Variants in GXYLT2 observed in about 807,000 individuals in gnomAD.
GXYLT2 encodes glycosyltransferase 8 domain containing 4.
Under a neutral mutation model 45.8 loss-of-function variants are expected in GXYLT2, and 53 were observed. The observed-to-expected ratio is 1.16, with a 90% CI of 0.93 to 1.46. The LOEUF (loss-of-function observed/expected upper bound fraction) is 1.46. Among genes scored for constraint, GXYLT2 ranks in the 40% most tolerant of loss-of-function variants. The probability of loss-of-function intolerance (pLI) is 0.00; values close to 1 mark genes in which losing one functional copy is unlikely to be tolerated. For missense variants in GXYLT2, 551 were observed against 544.4 expected, an observed-to-expected ratio of 1.01 and a Z score of -0.12; for synonymous variants, 219 against 214.2, an observed-to-expected ratio of 1.02 and a Z score of -0.19.
chr3:72,913,182 C>T (rs1306436076), intron 2 of GXYLT2, among the ~76,000 whole-genome samples: 7 of 151,120 alleles, frequency 4.6e-5, no homozygotes, highest in East Asian at 2.0e-4. Flanking sequence ...GGACTACAGG[C>T]GCCCGCCACC....
intron 1 of GXYLT2, among the ~76,000 whole-genome samples, chr3:72,899,257 C>A (rs2107065170): frequency 6.6e-6 from 1 of 152,288 alleles, no homozygotes; most frequent in Non-Finnish European, 1.5e-5. Flanking sequence ...ATGCGTTAGA[C>A]CTAGACTTTG....
At chr3:72,918,075 A>G (rs544166897) in intron 2 of GXYLT2, among the ~76,000 whole-genome samples, 2 of 152,348 alleles carry the variant, frequency 1.3e-5, no homozygotes, top group Admixed American at 6.5e-5. Flanking sequence ...CAACTACTCA[A>G]TGTGCTATTT....
At chr3:72,899,605 TG>T (rs1392883814) in intron 1 of GXYLT2, among the ~76,000 whole-genome samples, 1 of 152,168 alleles carries the variant, frequency 6.6e-6, no homozygotes, top group African/African-American at 2.4e-5. Context: ...CCAAAGCCTG[TG>T]GTTTGCAGGG....
chr3:72,904,434 G>C (rs1709466115), intron 1 of GXYLT2, among the ~76,000 whole-genome samples: 1 of 152,202 alleles, frequency 6.6e-6, no homozygotes, highest in Non-Finnish European at 1.5e-5. Context: ...GGTGAGGCCA[G>C]CAAAGGTCTC....
At position 72,955,280 on chromosome 3, in the gene GXYLT2, T is replaced by A; in HGVS notation, c.783T>A (p.Tyr261Ter). The change falls in exon 4 of 7, where the codon TAT becomes TAA. Residue 261 changes from tyrosine (Y) to a stop codon, truncating the protein, a stop_gained. Coordinates refer to ENST00000389617, the MANE Select transcript of GXYLT2 (RefSeq NM_001080393.2). LOFTEE classifies it high-confidence loss of function. ...GCCGCTTTGCTAGGCATCCTTTCTA[T>A]GGCTCTGCAGGAGTTAATTCAGGAG... ...WYSRFARHPF[Y>*]GSAGVNSGVM... The A allele has an allele frequency of 6.2e-7, 1 of 1,614,042 alleles. No individual in the cohort carries two copies. The highest frequency in any genetic ancestry group is 1.1e-5 in the South Asian group (1 of 91,086).
intron 1 of GXYLT2, among the ~76,000 whole-genome samples, chr3:72,891,499 C>T (rs1397135758): frequency 6.6e-6 from 1 of 152,178 alleles, no homozygotes; most frequent in Non-Finnish European, 1.5e-5. Flanking sequence ...GTGGTGGCCT[C>T]CTTCTCTATA....
chr3:72,901,101 C>T (rs1425973076), intron 1 of GXYLT2, among the ~76,000 whole-genome samples: 4 of 152,046 alleles, frequency 2.6e-5, no homozygotes, highest in African/African-American at 9.7e-5. Context: ...CCAGCCTGAT[C>T]AATATGATGA....
intron 3 of GXYLT2, among the ~76,000 whole-genome samples, chr3:72,953,253 T>C (rs1361109630): frequency 6.6e-6 from 1 of 152,040 alleles, no homozygotes; most frequent in Non-Finnish European, 1.5e-5. Context: ...GAAATAAACT[T>C]TTATTAGGAC....
chr3:72,911,408 T>C (rs1258673249), intron 2 of GXYLT2, among the ~76,000 whole-genome samples: 1 of 152,214 alleles, frequency 6.6e-6, no homozygotes, highest in Admixed American at 6.5e-5. Flanking sequence ...CTCATGCTGG[T>C]ATACTTCCCT....
At chr3:72,931,540 C>A (rs1710036451) in intron 3 of GXYLT2, among the ~76,000 whole-genome samples, 1 of 152,064 alleles carries the variant, frequency 6.6e-6, no homozygotes, top group African/African-American at 2.4e-5. Context: ...AAGTAACATA[C>A]TTCTTTCTAA....
chr3:72,965,799 T>A (rs765163820), intron 5 of GXYLT2, among the ~76,000 whole-genome samples: 10 of 150,602 alleles, frequency 6.6e-5, no homozygotes, highest in Non-Finnish European at 1.3e-4. Context: ...GGTAGAGGAG[T>A]AGGGAGGGGG....
intron 5 of GXYLT2, among the ~76,000 whole-genome samples, chr3:72,959,379 A>C (rs902292542): frequency 6.6e-6 from 1 of 151,664 alleles, no homozygotes; most frequent in South Asian, 2.1e-4. Context: ...CGGCCTCCCA[A>C]AGTGTTGGGA....
At chr3:72,902,169 A>T (rs558618282) in intron 1 of GXYLT2, among the ~76,000 whole-genome samples, 3 of 152,314 alleles carry the variant, frequency 2.0e-5, no homozygotes, top group South Asian at 4.1e-4. Context: ...TTATGTGGAC[A>T]CATGTTTTCA....
At chr3:72,961,105 G>A (rs1385150641) in intron 5 of GXYLT2, among the ~76,000 whole-genome samples, 1 of 152,196 alleles carries the variant, frequency 6.6e-6, no homozygotes, top group Non-Finnish European at 1.5e-5. Context: ...AGACTGACTT[G>A]AGATAGCTGA....
At chr3:72,963,463 T>A (rs919759977) in intron 5 of GXYLT2, among the ~76,000 whole-genome samples, 2 of 151,180 alleles carry the variant, frequency 1.3e-5, no homozygotes, top group South Asian at 2.1e-4. Flanking sequence ...ACCAGCACTT[T>A]GGGAGGCCGA....
At position 72,888,189 on chromosome 3, in the gene GXYLT2, A is replaced by G. The variant is rs1328239745; in HGVS notation, c.-45A>G. The G allele has an allele frequency of 1.6e-5, 16 of 981,362 alleles. No homozygotes were observed. The highest frequency in any genetic ancestry group is 1.8e-5 in the Non-Finnish European group (15 of 829,026). The allele number at this position is 981,362 out of a possible 1,614,324, so 60.8% of individuals were successfully genotyped here. A position where few individuals can be genotyped will look rare whatever the true frequency, so the allele number is the denominator to read the frequency against. On this transcript the variant is annotated 5_prime_UTR_variant, in exon 1 of 7. Transcript: ENST00000389617. ...ATCCTGCCGCCGCCGCGATGCGCAG[A>G]GGGGCCGAGCCGCCTGGGGGCCGCC...
At position 72,929,438 on chromosome 3, in the gene GXYLT2, T is replaced by A; in HGVS notation, c.600+7103T>A. 4 of 1,450,962 alleles carry A rather than the reference T, an allele frequency of 2.8e-6. No homozygotes were observed. In the South Asian group the frequency reaches 3.4e-5, roughly 12 times the overall value. 89.9% of individuals were successfully genotyped at this position (1,450,962 alleles called of 1,614,324 possible). On this transcript the variant is annotated intron_variant, in intron 3 of 6. Coordinates refer to ENST00000389617, the MANE Select transcript of GXYLT2 (RefSeq NM_001080393.2). ...GTGACAAAAATGACCCCCATTTGTG[T>A]GACTTCATTGAGACACATTACCTGA...
In GXYLT2 at chr3:72,908,806, C is replaced by T. The variant is rs1175279246; in HGVS notation, c.468+247C>T. Among the ~76,000 whole-genome samples the T allele has an allele frequency of 2.0e-5, 3 of 152,114 alleles. No homozygotes were observed. The East Asian group carries it at 5.8e-4, about 29-fold the overall frequency. ...AGGGTAGAGTACAGTGGTGCAATCT[C>T]GGCTCACTGCAGCCTCAACCTTCCA... is the stretch of plus-strand genomic sequence containing the variant. On this transcript the variant is annotated intron_variant, in intron 2 of 6. Transcript: ENST00000389617.
At chr3:72,929,011 C>G (rs537812007) in intron 3 of GXYLT2, 76 of 1,317,110 alleles carry the variant, frequency 5.8e-5, no homozygotes, top group Non-Finnish European at 6.4e-5. Flanking sequence ...CAGCGCCGCG[C>G]AGCCACCGCC....
Sources: allele counts gnomAD v4.1 joint callset (sites outside exome capture counted in the v4.1 genomes callset), GRCh38; gene constraint gnomAD v4.1.1; transcripts MANE v1.5; gene names NCBI Gene and HGNC (gene_info 2026-07-23, HGNC 2026-07-21).